Variants in AGTR1 observed in about 807,000 individuals in gnomAD.
AGTR1 encodes type-1 angiotensin II receptor.
A neutral mutation model predicts 19.4 loss-of-function variants in AGTR1; 16 were observed. That is an observed-to-expected ratio of 0.82 (90% CI 0.56 to 1.25). The LOEUF (loss-of-function observed/expected upper bound fraction) is 1.25. Among genes scored for constraint, AGTR1 ranks in the 50% most tolerant of loss-of-function variants. AGTR1 has a pLI of 0.00. For synonymous variants in AGTR1, 153 were observed against 154.9 expected (o/e 0.99, Z 0.09); for missense variants, 373 against 431.9 (o/e 0.86, Z 1.21).
intron 1 of AGTR1, among the ~76,000 whole-genome samples, chr3:148,705,439 C>CTCTT (rs3836281): frequency 0.43 from 65,590 of 151,544 alleles, 15,932 homozygotes; most frequent in African/African-American, 0.68. Context: ...TAATCTAACT[C>CTCTT]TCCCATTCAA....
chr3:148,723,022 G>C (rs1342097958), intron 2 of AGTR1, among the ~76,000 whole-genome samples: 1 of 152,164 alleles, frequency 6.6e-6, no homozygotes, highest in African/African-American at 2.4e-5. Flanking sequence ...CAACTTGCTT[G>C]TCCAGGAAGT....
At chr3:148,733,420 T>C (rs1461102649) in intron 2 of AGTR1, among the ~76,000 whole-genome samples, 1 of 152,232 alleles carries the variant, frequency 6.6e-6, no homozygotes, top group African/African-American at 2.4e-5. Flanking sequence ...ACAAATTAAT[T>C]AGTACCTCTT....
intron 1 of AGTR1, among the ~76,000 whole-genome samples, chr3:148,707,150 G>A (rs540909212): frequency 1.3e-5 from 2 of 152,116 alleles, no homozygotes; most frequent in South Asian, 2.1e-4. Context: ...ATTTATATAT[G>A]CTGATGTAGG....
At chr3:148,704,708 GC>G (rs1712568632) in intron 1 of AGTR1, among the ~76,000 whole-genome samples, 1 of 152,200 alleles carries the variant, frequency 6.6e-6, no homozygotes, top group African/African-American at 2.4e-5. Flanking sequence ...TTCTCTGACA[GC>G]CATCAGTTGG....
intron 1 of AGTR1, among the ~76,000 whole-genome samples, chr3:148,704,458 T>C (rs1013171869): frequency 3.3e-5 from 5 of 152,198 alleles, no homozygotes; most frequent in Non-Finnish European, 7.3e-5. Context: ...GCTCTCATGC[T>C]ATAAAGTAAA....
chr3:148,738,539 A>G (rs1256600002), intron 2 of AGTR1, among the ~76,000 whole-genome samples: 3 of 152,192 alleles, frequency 2.0e-5, no homozygotes, highest in African/African-American at 7.2e-5. Flanking sequence ...CTAAGTTGGC[A>G]TAAGTTCAGA....
At chr3:148,698,757 C>T (rs1464117569) in intron 1 of AGTR1, among the ~76,000 whole-genome samples, 2 of 152,220 alleles carry the variant, frequency 1.3e-5, no homozygotes, top group East Asian at 3.8e-4. Flanking sequence ...GATGTCTCCA[C>T]ACCCCAATCC....
rs542134890 is a variant in AGTR1 at position 148,704,993 on chromosome 3, CA to C, written c.-131-2949del. Among the ~76,000 whole-genome samples, 3 of 152,250 alleles carry C rather than the reference CA, an allele frequency of 2.0e-5. No homozygotes were observed. The South Asian group carries it at 6.2e-4, about 32-fold the overall frequency. ...AATCAATCCAGGGCTGCCATCATGA[CA>C]AGTAGTGGAAGTTTGAAAGAAGGAG... On this transcript the variant is annotated intron_variant, in intron 1 of 2. Coordinates refer to ENST00000349243, the MANE Select transcript of AGTR1 (RefSeq NM_000685.5).
intron 2 of AGTR1, among the ~76,000 whole-genome samples, chr3:148,738,783 A>C (rs1714708866): frequency 6.6e-6 from 1 of 152,180 alleles, no homozygotes; most frequent in Admixed American, 6.5e-5. Flanking sequence ...CCAAGTTGAC[A>C]CTGAGTATTC....
intron 2 of AGTR1, among the ~76,000 whole-genome samples, chr3:148,712,046 C>G (rs1418637984): frequency 6.6e-6 from 1 of 152,004 alleles, no homozygotes; most frequent in Non-Finnish European, 1.5e-5. Context: ...ACCACTGCAC[C>G]CAACCAATAT....
chr3:148,725,265 C>T (rs560129647), intron 2 of AGTR1, among the ~76,000 whole-genome samples: 1 of 152,234 alleles, frequency 6.6e-6, no homozygotes, highest in Non-Finnish European at 1.5e-5. Context: ...TATTTTCTTC[C>T]TCCAACATAA....
intron 2 of AGTR1, among the ~76,000 whole-genome samples, chr3:148,718,078 C>A (rs899403813): frequency 6.6e-6 from 1 of 152,140 alleles, no homozygotes; most frequent in African/African-American, 2.4e-5. Context: ...GAGAGGGAAG[C>A]CACACTAGAC....
At chr3:148,732,724 C>A (rs962561223) in intron 2 of AGTR1, among the ~76,000 whole-genome samples, 1 of 143,174 alleles carries the variant, frequency 7.0e-6, no homozygotes, top group Non-Finnish European at 1.5e-5. Context: ...GTTCATGCTT[C>A]GGAAAATTTT....
chr3:148,724,889 G>A lies in AGTR1; in HGVS notation c.-47-16100G>A, dbSNP rs550939469. ...CATATCAAAATATCCAAAATTATTA[G>A]CATATTATGTTATTCTCACAAAGTC... On this transcript the variant is annotated intron_variant, in intron 2 of 2. Transcript: ENST00000349243. 2.6e-5 allele frequency among the ~76,000 whole-genome samples: 4 copies of A among 152,148 alleles called. No individual in the cohort carries two copies. In the South Asian group the frequency reaches 8.3e-4, roughly 32 times the overall value.
intron 2 of AGTR1, among the ~76,000 whole-genome samples, chr3:148,710,286 CA>C (rs1167906479): frequency 6.6e-6 from 1 of 152,034 alleles, no homozygotes; most frequent in Admixed American, 6.6e-5. Context: ...TCTCACAGAC[CA>C]TTTTTTGTTT....
At chr3:148,707,073 G>C (rs1160865114) in intron 1 of AGTR1, among the ~76,000 whole-genome samples, 2 of 151,950 alleles carry the variant, frequency 1.3e-5, no homozygotes, top group African/African-American at 4.8e-5. Flanking sequence ...ATAGCAGACT[G>C]GTTAAATAAA....
rs1003571253 is a variant in AGTR1, at chr3:148,698,076, G to T, written c.-183G>T. 3.3e-5 allele frequency: 5 copies of T among 152,246 alleles called. No homozygotes were observed. In the East Asian group the frequency reaches 5.8e-4, roughly 18 times the overall value. 9.4% of individuals were successfully genotyped at this position (152,246 alleles called of 1,614,324 possible). A position where few individuals can be genotyped will look rare whatever the true frequency, so the allele number is the denominator to read the frequency against. On this transcript the variant is annotated 5_prime_UTR_variant, in exon 1 of 3. Transcript: ENST00000349243. ...CGCCGAGGCGGCGGGCGGGAGACCCGCACCAGCGCAGCCGGCCCTCGGCGG... is the reference window on the plus strand; with the variant it reads ...CGCCGAGGCGGCGGGCGGGAGACCCTCACCAGCGCAGCCGGCCCTCGGCGG...
intron 2 of AGTR1, among the ~76,000 whole-genome samples, chr3:148,712,183 T>G (rs916287909): frequency 1.3e-5 from 2 of 152,130 alleles, no homozygotes; most frequent in African/African-American, 4.8e-5. Context: ...AATTAGTCAT[T>G]CCTTTTAAGA....
At chr3:148,717,576 GAT>G in intron 2 of AGTR1, among the ~76,000 whole-genome samples, 1 of 152,266 alleles carries the variant, frequency 6.6e-6, no homozygotes, top group South Asian at 2.1e-4. Flanking sequence ...GCTTTATACT[GAT>G]ACTGGGTACA....
Sources: gnomAD v4.1 joint callset for allele counts (sites outside exome capture counted in the v4.1 genomes callset) on GRCh38, gnomAD v4.1.1 for gene constraint, MANE v1.5 for transcripts, NCBI Gene and HGNC (gene_info 2026-07-23, HGNC 2026-07-21) for gene names.